Variants in GABRE observed in about 807,000 individuals in gnomAD.
GABRE encodes gamma-aminobutyric acid receptor subunit epsilon.
A neutral mutation model predicts 31.0 loss-of-function variants in GABRE; 20 were observed. The ratio of observed to expected loss-of-function variants is 0.64; its 90% CI spans 0.45 to 0.94. The LOEUF is 0.94. Among genes scored for constraint, GABRE ranks in the 40% least tolerant of loss-of-function variants. The pLI, the probability that GABRE is intolerant of heterozygous loss-of-function variation, is 0.00. For missense variants in GABRE, 420 were observed against 410.7 expected (o/e 1.02, Z -0.20); for synonymous variants, 155 against 150.6 (o/e 1.03, Z -0.21).
At chrX:151,959,425 C>T (rs925836365) in intron 6 of GABRE, 6 of 271,057 alleles carry the variant, frequency 2.2e-5, no homozygotes, top group Non-Finnish European at 3.5e-5. Flanking sequence ...GCCTCCACCT[C>T]CCACTACAAT....
intron 6 of GABRE, chrX:151,958,330 C>T: frequency 4.4e-6 from 1 of 225,920 alleles, no homozygotes; most frequent in Non-Finnish European, 8.1e-6. Context: ...GCTACCACTG[C>T]ATTCTGAACC....
At position 151,959,906 on chromosome X, in the gene GABRE, G is replaced by C. The variant is rs1172527026; in HGVS notation, c.717C>G (p.Ser239=). 1 of 1,208,246 alleles carries C rather than the reference G, an allele frequency of 8.3e-7. No individual in the cohort carries two copies. The stretch of plus-strand genomic sequence containing the variant: ...TAAAATCAAACTGGAAGAGCTTCCA[G>C]GAGTTCTTCTCATTGATTTCAAGCT... ...NFKLEINEKN[S]WKLFQFDFTG... is the part of the protein sequence containing the mutation. The change falls in exon 6 of 9, where the codon TCC becomes TCG. Residue 239 remains serine (S), a synonymous_variant. Coordinates refer to ENST00000370328, the MANE Select transcript of GABRE (RefSeq NM_004961.4).
At chrX:151,956,618 G>A (rs1934178807) in intron 6 of GABRE, 1 of 112,167 alleles carries the variant, frequency 8.9e-6, no homozygotes, top group Non-Finnish European at 1.9e-5. Flanking sequence ...TTCTAACCCT[G>A]GACTCTTTGG....
At chrX:151,969,980 CTG>C in intron 2 of GABRE, 1 of 1,077,169 alleles carries the variant, frequency 9.3e-7, no homozygotes, top group Non-Finnish European at 1.2e-6. Context: ...ACTGGAAAAA[CTG>C]AGGGCGAGAG....
intron 2 of GABRE, 80 bp downstream of exon 2, chrX:151,970,105 C>G: frequency 8.5e-7 from 1 of 1,173,713 alleles, no homozygotes; most frequent in South Asian, 2.0e-5. Flanking sequence ...CCCTCTGTTA[C>G]TGCCCAGGTG....
At chrX:151,974,486 C>G in intron 1 of GABRE, 84 bp downstream of exon 1, 1 of 665,628 alleles carries the variant, frequency 1.5e-6, no homozygotes. Flanking sequence ...AACGCGGGGC[C>G]GCTGGGGTCC....
chrX:151,962,014 T>C (rs1254925252), intron 4 of GABRE, among the ~76,000 whole-genome samples: 1 of 111,338 alleles, frequency 9.0e-6, no homozygotes, highest in African/African-American at 3.3e-5. Context: ...GGAATTCAAG[T>C]ATCCAACTTG....
intron 1 of GABRE, among the ~76,000 whole-genome samples, chrX:151,973,953 C>CTAT (rs1934806217): frequency 9.0e-6 from 1 of 111,067 alleles, no homozygotes; most frequent in Non-Finnish European, 1.9e-5. Flanking sequence ...ATAGCTGGTG[C>CTAT]GGGAACCCTT....
chrX:151,954,939 G>A lies in GABRE; in HGVS notation c.1283C>T (p.Pro428Leu), dbSNP rs76020733. Reference sequence around the variant, plus strand: ...ACCCTCAGGGCTACCTGGGCTAGGGGGCTGCTGGGCTGAGCAAGACGGGCG... The same window carrying A: ...ACCCTCAGGGCTACCTGGGCTAGGGAGCTGCTGGGCTGAGCAAGACGGGCG... Reference protein sequence around the residue: ...EERPSCSAQQPPSPGSPEGPR... With the variant: ...EERPSCSAQQLPSPGSPEGPR... The change falls in exon 9 of 9, where the codon CCC becomes CTC. Residue 428 changes from proline to leucine, a missense_variant. By Grantham distance (98) the Pro-to-Leu change is moderately conservative. Coordinates refer to ENST00000370328, the MANE Select transcript of GABRE (RefSeq NM_004961.4). The A allele has an allele frequency of 8.3e-7, 1 of 1,209,056 alleles. No individual in the cohort carries two copies. Among genetic ancestry groups the A allele is most frequent in the Admixed American group, 2.2e-5 (1 of 45,763 alleles).
rs777783123 is a variant in GABRE at position 151,961,263 on chromosome X, A to T, written c.646+20T>A. The T allele has an allele frequency of 8.7e-7, 1 of 1,148,892 alleles. No homozygotes were observed. The highest frequency in any genetic ancestry group is 2.3e-5 in the Admixed American group (1 of 43,955). 94.7% of individuals were successfully genotyped at this position (1,148,892 alleles called of 1,213,427 possible). A position where few individuals can be genotyped will look rare whatever the true frequency, so the allele number is the denominator to read the frequency against. On this transcript the variant is annotated intron_variant, in intron 5 of 8. Transcript: ENST00000370328. ...GCCCAGCATGTTTCTGGGGCCCCAG[A>T]AACTTAAGAAGGTACTCACAGCTAG... is the stretch of plus-strand genomic sequence containing the variant.
At chrX:151,970,029 G>C in intron 2 of GABRE, 156 bp downstream of exon 2, 1 of 1,101,905 alleles carries the variant, frequency 9.1e-7, no homozygotes, top group East Asian at 3.3e-5. Flanking sequence ...TGACACTGCT[G>C]AGAATAGAGT....
rs1388514681 is a variant in GABRE, at chrX:151,957,346, C to T, written c.785-1486G>A. On this transcript the variant is annotated intron_variant, in intron 6 of 8. Coordinates refer to ENST00000370328, the MANE Select transcript of GABRE (RefSeq NM_004961.4). ...ATTCTTCTGGAAGAAGGCAAGGGAG[C>T]GACCTGTTGTCAGTGGGAAACCTGT... The T allele has an allele frequency of 2.3e-5, 6 of 262,764 alleles. No homozygotes were observed. The Middle Eastern group carries it at 2.0e-3, about 89-fold the overall frequency. The allele number at this position is 262,764 out of a possible 1,213,427, so 21.7% of individuals were successfully genotyped here. A position where few individuals can be genotyped will look rare whatever the true frequency, so the allele number is the denominator to read the frequency against.
chrX:151,959,847 G>A lies in GABRE; in HGVS notation c.776C>T (p.Thr259Ile). The part of the protein sequence containing the change: ...GVSNKTEIIT[T>I]PVGDFMVMTI... ...AGCCCTGGCACGCTTACCAACTGGGGTTGTGATTATTTCAGTTTTGTTGCT... is the reference window on the plus strand; with the variant it reads ...AGCCCTGGCACGCTTACCAACTGGGATTGTGATTATTTCAGTTTTGTTGCT... Residue 259 changes from threonine (T) to isoleucine (I), a missense_variant, in exon 6 of 9, where the codon ACC becomes ATC. Thr to Ile is a moderately conservative substitution (Grantham distance 89, BLOSUM62 -1). Coordinates refer to ENST00000370328, the MANE Select transcript of GABRE (RefSeq NM_004961.4). 8.3e-7 allele frequency: 1 copy of A among 1,211,026 alleles called. No individual in the cohort carries two copies. Among genetic ancestry groups the A allele is most frequent in the Non-Finnish European group, 1.1e-6 (1 of 895,039 alleles).
intron 3 of GABRE, among the ~76,000 whole-genome samples, chrX:151,966,398 G>T (rs990868976): frequency 1.8e-5 from 2 of 112,005 alleles, no homozygotes; most frequent in Non-Finnish European, 3.8e-5. Context: ...TTCCTTCCCG[G>T]AGGACAAGGC....
chrX:151,966,267 C>T (rs1009278113), intron 3 of GABRE, among the ~76,000 whole-genome samples: 1 of 112,069 alleles, frequency 8.9e-6, no homozygotes, highest in East Asian at 2.8e-4. Flanking sequence ...GAATCAACTG[C>T]GATAATTACC....
intron 3 of GABRE, among the ~76,000 whole-genome samples, chrX:151,964,301 C>T (rs1934466224): frequency 8.9e-6 from 1 of 111,926 alleles, no homozygotes; most frequent in South Asian, 3.7e-4. Context: ...GACATTGACA[C>T]CCTCCCTTTA....
chrX:151,959,921 G>T lies in GABRE; in HGVS notation c.702C>A (p.Ile234=). ...IYKWENFKLE[I]NEKNSWKLFQ... is the part of the protein sequence containing the mutation. ...AGAGCTTCCAGGAGTTCTTCTCATT[G>T]ATTTCAAGCTTGAAATTTTCCCACT... is the stretch of plus-strand genomic sequence containing the variant. The change falls in exon 6 of 9, where the codon ATC becomes ATA. Residue 234 remains isoleucine, a synonymous_variant. Coordinates refer to ENST00000370328, the MANE Select transcript of GABRE (RefSeq NM_004961.4). The T allele has an allele frequency of 8.3e-7, 1 of 1,207,310 alleles. No homozygotes were observed. The highest frequency in any genetic ancestry group is 1.1e-6 in the Non-Finnish European group (1 of 891,664).
In GABRE at chrX:151,972,173, C is replaced by T. The variant is rs1264416944; in HGVS notation, c.57-1771G>A. ...TAAGAAGCAAAATGCATTTTTTCTG[C>T]AGTATTTCAAGCTGTTAGAATTGCT... On this transcript the variant is annotated intron_variant, in intron 1 of 8. Transcript: ENST00000370328. The T allele has an allele frequency of 1.2e-5, 9 of 751,637 alleles. 1 individual carries two copies. In the African/African-American group the frequency reaches 1.9e-4, roughly 16 times the overall value. The allele number at this position is 751,637 out of a possible 1,213,427, so 61.9% of individuals were successfully genotyped here. A position where few individuals can be genotyped will look rare whatever the true frequency, so the allele number is the denominator to read the frequency against.
At position 151,974,666 on chromosome X, in the gene GABRE, G is replaced by C. The variant is rs980087084; in HGVS notation, c.-41C>G. The C allele has an allele frequency of 9.5e-7, 1 of 1,052,273 alleles. No individual in the cohort carries two copies. Among genetic ancestry groups the C allele is most frequent in the Non-Finnish European group, 1.3e-6 (1 of 771,817 alleles). The allele number at this position is 1,052,273 out of a possible 1,213,427, so 86.7% of individuals were successfully genotyped here. On this transcript the variant is annotated 5_prime_UTR_variant, in exon 1 of 9. Transcript: ENST00000370328. ...CGCGACCACCTGCGCGGAGGTCGCG[G>C]CTCACGCTCTGGCCGCACTGAGCGC...
Sources: allele counts gnomAD v4.1 joint callset (sites outside exome capture counted in the v4.1 genomes callset), GRCh38; gene constraint gnomAD v4.1.1; transcripts MANE v1.5; gene names NCBI Gene and HGNC (gene_info 2026-07-23, HGNC 2026-07-21).